The following SOS2 variants were observed in gnomAD, a reference collection of about 807,000 sequenced individuals.
SOS2 encodes the protein SOS Ras/Rho guanine nucleotide exchange factor 2.
In SOS2, 65 loss-of-function variants were observed where a neutral mutation model predicts 148.2. That is an observed-to-expected ratio of 0.44 (90% CI 0.36 to 0.54). SOS2 has a LOEUF of 0.54. Among genes scored for constraint, SOS2 ranks in the 20% least tolerant of loss-of-function variants. The pLI is 0.00. For missense variants in SOS2, 1,341 were observed against 1,590.2 expected, an observed-to-expected ratio of 0.84 and a Z score of 2.67; for synonymous variants, 539 against 537.1, an observed-to-expected ratio of 1.00 and a Z score of -0.05.
Position 50,180,561 on chromosome 14 carries a change from T to C in SOS2, c.969+11A>G, listed in dbSNP as rs752951035. The C allele has an allele frequency of 2.5e-6, 3 of 1,185,072 alleles. No homozygotes were observed. The highest frequency in any genetic ancestry group is 2.4e-6 in the Non-Finnish European group (2 of 839,284). The allele number at this position is 1,185,072 out of a possible 1,614,324, so 73.4% of individuals were successfully genotyped here. ...AAAAAAAAAAAAAAAAAACCTTCAA[T>C]TTAAGTTTACCTGAAAGTGTAGAGC... On this transcript the variant is annotated intron_variant, in intron 7 of 22. Transcript: ENST00000216373.
At chr14:50,221,633 C>T (rs1595036847) in intron 1 of SOS2, among the ~76,000 whole-genome samples, 1 of 152,140 alleles carries the variant, frequency 6.6e-6, no homozygotes, top group Admixed American at 6.6e-5. Flanking sequence ...ATACATCCTC[C>T]TGAGGGGACA....
intron 1 of SOS2, among the ~76,000 whole-genome samples, chr14:50,214,475 T>A (rs1300326975): frequency 6.6e-6 from 1 of 152,160 alleles, no homozygotes; most frequent in Non-Finnish European, 1.5e-5. Context: ...ATTTTAGCCA[T>A]ACATTTCTAA....
chr14:50,158,717 T>G (rs1459918631), intron 10 of SOS2, 71 bp from the exon 11 acceptor site: 2 of 951,396 alleles, frequency 2.1e-6, no homozygotes, highest in Non-Finnish European at 3.3e-6. Flanking sequence ...AGTACCATAT[T>G]TGGAGGCCTT....
At chr14:50,141,777 A>G (rs1385818665) in intron 16 of SOS2, among the ~76,000 whole-genome samples, 1 of 152,200 alleles carries the variant, frequency 6.6e-6, no homozygotes, top group Non-Finnish European at 1.5e-5. Flanking sequence ...TCTAAAATGT[A>G]TATAGGAGAA....
intron 21 of SOS2, among the ~76,000 whole-genome samples, chr14:50,127,679 T>C (rs919374833): frequency 6.6e-6 from 1 of 152,184 alleles, no homozygotes; most frequent in African/African-American, 2.4e-5. Flanking sequence ...TGTATGACAT[T>C]GGGTCCTCTG....
chr14:50,220,814 T>C (rs558576343), intron 1 of SOS2, among the ~76,000 whole-genome samples: 1 of 152,332 alleles, frequency 6.6e-6, no homozygotes, highest in African/African-American at 2.4e-5. Flanking sequence ...AAAGATTAGC[T>C]GAAGCAAAAA....
intron 16 of SOS2, among the ~76,000 whole-genome samples, chr14:50,140,739 A>C (rs539948095): frequency 1.3e-5 from 2 of 152,306 alleles, no homozygotes; most frequent in South Asian, 4.1e-4. Flanking sequence ...GAGATTGGAA[A>C]GAAAAAAAAA....
intron 1 of SOS2, among the ~76,000 whole-genome samples, chr14:50,226,465 A>G (rs1019782034): frequency 3.9e-5 from 6 of 152,192 alleles, no homozygotes; most frequent in Non-Finnish European, 8.8e-5. Context: ...AAACACTAGG[A>G]TCTCAGTAGA....
intron 4 of SOS2, among the ~76,000 whole-genome samples, chr14:50,196,845 C>T (rs1293352253): frequency 6.6e-6 from 1 of 151,988 alleles, no homozygotes; most frequent in Non-Finnish European, 1.5e-5. Context: ...GCTAGGGCTC[C>T]TAATAACCAA....
At chr14:50,121,174 C>T (rs1335984369) in intron 21 of SOS2, among the ~76,000 whole-genome samples, 5 of 152,202 alleles carry the variant, frequency 3.3e-5, no homozygotes, top group African/African-American at 4.8e-5. Context: ...ATAATGTACA[C>T]GTTATATAAC....
At chr14:50,213,472 G>C (rs1886949080) in intron 1 of SOS2, among the ~76,000 whole-genome samples, 1 of 152,098 alleles carries the variant, frequency 6.6e-6, no homozygotes, top group Non-Finnish European at 1.5e-5. Flanking sequence ...CCAAGGTGGG[G>C]GTGGATCACT....
intron 12 of SOS2, chr14:50,156,015 G>C (rs1884804584): frequency 6.6e-6 from 1 of 152,008 alleles, no homozygotes; most frequent in Non-Finnish European, 1.5e-5. Context: ...TTCTAAAACT[G>C]CATTTGTTTG....
intron 7 of SOS2, among the ~76,000 whole-genome samples, chr14:50,180,012 A>G (rs1008929120): frequency 1.3e-5 from 2 of 148,948 alleles, no homozygotes; most frequent in Non-Finnish European, 3.0e-5. Flanking sequence ...TTATTTTTCT[A>G]TTTATTTTTT....
At chr14:50,181,955 A>C (rs12436126) in intron 6 of SOS2, among the ~76,000 whole-genome samples, 45,287 of 150,442 alleles carry the variant, frequency 0.3, 7,063 homozygotes, top group Admixed American at 0.41. Context: ...TATGGTCAAT[A>C]AAATGTATCT....
chr14:50,204,909 T>C (rs78986393), intron 1 of SOS2, among the ~76,000 whole-genome samples: 18 of 42,818 alleles, frequency 4.2e-4, no homozygotes, highest in African/African-American at 1.4e-3. Context: ...TCTTTCTTTT[T>C]TTTTTTAAGC....
At chr14:50,192,635 A>G (rs1886181410) in intron 4 of SOS2, among the ~76,000 whole-genome samples, 1 of 151,636 alleles carries the variant, frequency 6.6e-6, no homozygotes, top group Non-Finnish European at 1.5e-5. Flanking sequence ...AGGCCAAGGC[A>G]GGCAGATCAC....
Position 50,159,854 on chromosome 14 carries a change from G to T in SOS2, c.1429C>A (p.Arg477=). The T allele has an allele frequency of 6.2e-7, 1 of 1,614,050 alleles. No homozygotes were observed. The highest frequency in any genetic ancestry group is 8.5e-7 in the Non-Finnish European group (1 of 1,179,990). ...TCTGCACTACTGTAACCTGGAAGCC[G>T]AGTCTGGCCATGATTAGGTTTACAA... is the stretch of plus-strand genomic sequence containing the variant. ...ISCKPNHGQT[R]LPGYSSAEYR... The change falls in exon 10 of 23, where the codon CGG becomes AGG. Residue 477 remains arginine (R), a synonymous_variant. Coordinates refer to ENST00000216373, the MANE Select transcript of SOS2 (RefSeq NM_006939.4).
intron 6 of SOS2, among the ~76,000 whole-genome samples, chr14:50,180,887 A>G (rs1885713249): frequency 6.6e-6 from 1 of 152,194 alleles, no homozygotes; most frequent in South Asian, 2.1e-4. Flanking sequence ...AGAGAAGAAG[A>G]AAGATTTCTT....
intron 1 of SOS2, among the ~76,000 whole-genome samples, chr14:50,223,568 G>A (rs1468548137): frequency 2.6e-5 from 4 of 151,854 alleles, no homozygotes; most frequent in African/African-American, 9.7e-5. Context: ...CCAGCTACTC[G>A]GGAGGCTGAG....
Sources: gnomAD v4.1 joint callset for allele counts (sites outside exome capture counted in the v4.1 genomes callset) on GRCh38, gnomAD v4.1.1 for gene constraint, MANE v1.5 for transcripts, NCBI Gene and HGNC (gene_info 2026-07-23, HGNC 2026-07-21) for gene names.